Variants in ROR1 observed in about 807,000 individuals in gnomAD.
ROR1 encodes the protein ROR family WNT receptor 1.
Under a neutral mutation model 78.8 loss-of-function variants are expected in ROR1, and 19 were observed. The observed-to-expected ratio is 0.24, with a 90% CI of 0.17 to 0.35. The LOEUF (loss-of-function observed/expected upper bound fraction) is 0.35. Among genes scored for constraint, ROR1 ranks in the 10% least tolerant of loss-of-function variants. The probability of loss-of-function intolerance (pLI) is 1.00; values close to 1 mark genes in which losing one functional copy is unlikely to be tolerated. For synonymous variants in ROR1, 386 were observed against 433.6 expected (o/e 0.89, Z 1.36); for missense variants, 917 against 1,177.8 (o/e 0.78, Z 3.24).
Position 63,974,330 on chromosome 1 carries a change from T to C in ROR1, c.92-34975T>C, listed in dbSNP as rs944700187. On this transcript the variant is annotated intron_variant, in intron 1 of 8. Coordinates refer to ENST00000371079, the MANE Select transcript of ROR1 (RefSeq NM_005012.4). The stretch of plus-strand genomic sequence containing the variant: ...TATTAAAACAAATTCAGCTAGGCTG[T>C]GGTGAAAAGCATATGAGAAAAAAAA... Among the ~76,000 whole-genome samples, 27 of 152,266 alleles carry C rather than the reference T, an allele frequency of 1.8e-4. 1 individual carries two copies. Among genetic ancestry groups the C allele is most frequent in the Admixed American group, 1.0e-3 (16 of 15,308 alleles).
intron 1 of ROR1, among the ~76,000 whole-genome samples, chr1:63,941,406 G>A (rs1645839039): frequency 6.6e-6 from 1 of 152,172 alleles, no homozygotes; most frequent in Admixed American, 6.5e-5. Context: ...TATAGGAGTT[G>A]TCTGGATTAC....
chr1:63,987,394 C>T (rs1408782730), intron 1 of ROR1, among the ~76,000 whole-genome samples: 1 of 152,202 alleles, frequency 6.6e-6, no homozygotes, highest in Non-Finnish European at 1.5e-5. Context: ...TGTCACACTG[C>T]CTGCCAACTT....
intron 4 of ROR1, among the ~76,000 whole-genome samples, chr1:64,054,686 C>T (rs1646860156): frequency 6.6e-6 from 1 of 151,982 alleles, no homozygotes; most frequent in African/African-American, 2.4e-5. Context: ...CATACATTAT[C>T]CTAGGTTTGT....
intron 1 of ROR1, among the ~76,000 whole-genome samples, chr1:63,977,663 C>T (rs149982976): frequency 3.9e-5 from 6 of 152,256 alleles, no homozygotes; most frequent in Admixed American, 2.6e-4. Context: ...TGTGGTGCCT[C>T]GTCATCACCA....
At chr1:64,149,045 T>A (rs894432303) in intron 7 of ROR1, among the ~76,000 whole-genome samples, 2 of 152,190 alleles carry the variant, frequency 1.3e-5, no homozygotes, top group African/African-American at 4.8e-5. Context: ...TTAAGTATTG[T>A]CATATAGTTC....
At chr1:63,948,620 T>G (rs1438566998) in intron 1 of ROR1, among the ~76,000 whole-genome samples, 2 of 152,178 alleles carry the variant, frequency 1.3e-5, no homozygotes, top group Non-Finnish European at 2.9e-5. Flanking sequence ...TTGTGTCCAC[T>G]CTCTGCTGCC....
rs933144228 is a variant in ROR1 at position 64,143,321 on chromosome 1, G to C, written c.1174+671G>C. The C allele has an allele frequency of 4.3e-6, 4 of 933,452 alleles. No individual in the cohort carries two copies. In the Admixed American group the frequency reaches 2.6e-4, roughly 60 times the overall value. The allele number at this position is 933,452 out of a possible 1,614,324, so 57.8% of individuals were successfully genotyped here. A position where few individuals can be genotyped will look rare whatever the true frequency, so the allele number is the denominator to read the frequency against. On this transcript the variant is annotated intron_variant, in intron 7 of 8. Coordinates refer to ENST00000371079, the MANE Select transcript of ROR1 (RefSeq NM_005012.4). ...GGATCATTTGAGCCCAGGGGTTCAAGACCAGCCCAGGCAACATAGTGAGAC... is the reference window on the plus strand; with the variant it reads ...GGATCATTTGAGCCCAGGGGTTCAACACCAGCCCAGGCAACATAGTGAGAC...
chr1:63,858,694 C>G lies in ROR1; in HGVS notation c.91+84186C>G, dbSNP rs1259946485. On this transcript the variant is annotated intron_variant, in intron 1 of 8. Transcript: ENST00000371079. Reference sequence around the variant, plus strand: ...GGGTATTTTCTTCACTTCCCTGACCCCTAGTGCCTCAGTGACCTAGGCAGC... The same window carrying G: ...GGGTATTTTCTTCACTTCCCTGACCGCTAGTGCCTCAGTGACCTAGGCAGC... 2.0e-5 allele frequency among the ~76,000 whole-genome samples: 3 copies of G among 152,074 alleles called. No homozygotes were observed. The East Asian group carries it at 5.8e-4, about 29-fold the overall frequency.
rs1466768088 is a variant in ROR1 at position 64,128,941 on chromosome 1, C to T, written c.483-8428C>T. Among the ~76,000 whole-genome samples the T allele has an allele frequency of 2.0e-5, 3 of 152,112 alleles. No individual in the cohort carries two copies. In the East Asian group the frequency reaches 5.8e-4, roughly 29 times the overall value. On this transcript the variant is annotated intron_variant, in intron 4 of 8. Coordinates refer to ENST00000371079, the MANE Select transcript of ROR1 (RefSeq NM_005012.4). ...TAGGAAGATTGAAACAGAGGAGGAA[C>T]AGGACAAATCTGTGCATTACAAATT...
At chr1:63,982,996 T>C (rs910182945) in intron 1 of ROR1, among the ~76,000 whole-genome samples, 1 of 152,214 alleles carries the variant, frequency 6.6e-6, no homozygotes, top group Non-Finnish European at 1.5e-5. Flanking sequence ...CCATATATAG[T>C]ATGTACTCTG....
chr1:64,110,182 CCTT>C (rs1648031067), intron 4 of ROR1, among the ~76,000 whole-genome samples: 1 of 152,102 alleles, frequency 6.6e-6, no homozygotes, highest in African/African-American at 2.4e-5. Flanking sequence ...GTGGATAAAT[CCTT>C]CTAATATTCA....
intron 4 of ROR1, among the ~76,000 whole-genome samples, chr1:64,110,295 T>G (rs1248301365): frequency 6.6e-6 from 1 of 152,146 alleles, no homozygotes; most frequent in Non-Finnish European, 1.5e-5. Flanking sequence ...TGTGCATAAG[T>G]GTATTGTAAA....
At chr1:63,836,168 C>G (rs1018242910) in intron 1 of ROR1, among the ~76,000 whole-genome samples, 1 of 152,174 alleles carries the variant, frequency 6.6e-6, no homozygotes, top group Non-Finnish European at 1.5e-5. Flanking sequence ...CAAAGTTACA[C>G]AACTTGACAT....
intron 1 of ROR1, among the ~76,000 whole-genome samples, chr1:63,863,758 ATTG>A (rs1645197084): frequency 6.7e-6 from 1 of 148,820 alleles, no homozygotes; most frequent in African/African-American, 2.5e-5. Context: ...ATTGTATTGT[ATTG>A]TATTGTATTG....
chr1:64,174,457 T>A (rs1165459044), intron 8 of ROR1, among the ~76,000 whole-genome samples: 1 of 152,194 alleles, frequency 6.6e-6, no homozygotes, highest in Non-Finnish European at 1.5e-5. Context: ...CTCACTTAGT[T>A]TGAATTATGC....
chr1:63,965,861 G>T (rs1646070605), intron 1 of ROR1, among the ~76,000 whole-genome samples: 1 of 152,196 alleles, frequency 6.6e-6, no homozygotes, highest in Admixed American at 6.5e-5. Flanking sequence ...AGGCAGTGGT[G>T]CTATCAATGA....
chr1:64,104,514 G>A (rs1023930649), intron 4 of ROR1, among the ~76,000 whole-genome samples: 50 of 151,424 alleles, frequency 3.3e-4, no homozygotes, highest in Admixed American at 4.0e-4. Context: ...TTTAAGTTCC[G>A]GGATACATGT....
intron 1 of ROR1, chr1:63,788,985 C>T (rs1246434216): frequency 3.0e-6 from 2 of 655,806 alleles, no homozygotes; most frequent in African/African-American, 1.8e-5. Context: ...GCGGTATCTT[C>T]TGAGCAGCCA....
intron 1 of ROR1, among the ~76,000 whole-genome samples, chr1:63,786,307 C>G (rs1421837755): frequency 2.6e-5 from 3 of 114,454 alleles, no homozygotes; most frequent in Non-Finnish European, 5.0e-5. Context: ...GAGTCTCGCT[C>G]TGTCGCCCAG....
Sources: gnomAD v4.1 joint callset for allele counts (sites outside exome capture counted in the v4.1 genomes callset) on GRCh38, gnomAD v4.1.1 for gene constraint, MANE v1.5 for transcripts, NCBI Gene and HGNC (gene_info 2026-07-23, HGNC 2026-07-21) for gene names.